NRXN2: variants seen among roughly 807,000 people sequenced by gnomAD.
NRXN2 encodes neurexin-2-beta.
NRXN2 carries 29 observed loss-of-function variants against 128.8 expected under a neutral mutation model. That is an observed-to-expected ratio of 0.23 (90% CI 0.17 to 0.31). NRXN2 has a LOEUF of 0.31. NRXN2 is among the 10% of genes least tolerant of loss of function. The pLI, the probability that NRXN2 is intolerant of heterozygous loss-of-function variation, is 1.00. For synonymous variants in NRXN2, 1,098 were observed against 1,075.2 expected (o/e 1.02, Z -0.41); for missense variants, 1,881 against 2,452.6 (o/e 0.77, Z 4.92).
intron 9 of NRXN2, among the ~76,000 whole-genome samples, chr11:64,661,942 G>A (rs1296992987): frequency 1.3e-5 from 2 of 152,148 alleles, no homozygotes; most frequent in African/African-American, 4.8e-5. Flanking sequence ...TTTTTAGGTA[G>A]AAGAGTTCTT....
intron 1 of NRXN2, among the ~76,000 whole-genome samples, chr11:64,720,161 C>T (rs2057398086): frequency 6.6e-6 from 1 of 152,240 alleles, no homozygotes; most frequent in Non-Finnish European, 1.5e-5. Context: ...ACCCTCACCC[C>T]ACCATGCCAA....
chr11:64,607,568 C>A lies in NRXN2; in HGVS notation c.4767G>T (p.Glu1589Asp). ...GGCGCAGGGGAGGGGGCCTCCGCGGCTCAAAGGACGTGGGGGCCCCGGGCC... is the reference window on the plus strand; with the variant it reads ...GGCGCAGGGGAGGGGGCCTCCGCGGATCAAAGGACGTGGGGGCCCCGGGCC... Reference protein sequence around the residue: ...PLGPGAPTSFEPRRPPPLRPG... With the variant: ...PLGPGAPTSFDPRRPPPLRPG... Residue 1589 changes from glutamate to aspartate, a missense_variant, in exon 23 of 23, where the codon GAG becomes GAT. Glu to Asp is a conservative substitution (Grantham distance 45). Around this residue, in one of 7 missense-constraint regions of NRXN2, gnomAD observed 310 missense variants for 318.2 expected, o/e 0.97. Coordinates refer to ENST00000265459, the MANE Select transcript of NRXN2 (RefSeq NM_015080.4). 6.5e-7 allele frequency: 1 copy of A among 1,536,862 alleles called. No homozygotes were observed. Among genetic ancestry groups the A allele is most frequent in the South Asian group, 1.2e-5 (1 of 84,890 alleles).
rs542381957 is a variant in NRXN2 at position 64,685,369 on chromosome 11, C to T, written c.1152+277G>A. Among the ~76,000 whole-genome samples, 18 of 152,278 alleles carry T rather than the reference C, an allele frequency of 1.2e-4. No homozygotes were observed. The South Asian group carries it at 3.3e-3, about 28-fold the overall frequency. On this transcript the variant is annotated intron_variant, in intron 6 of 22. Coordinates refer to ENST00000265459, the MANE Select transcript of NRXN2 (RefSeq NM_015080.4). The stretch of plus-strand genomic sequence containing the variant: ...GCCCCATCCCTCGAGAGCCCAGCTG[C>T]TCCCAACAATCTGAGCCCAGTCCTT...
intron 3 of NRXN2, among the ~76,000 whole-genome samples, chr11:64,694,303 G>C (rs1428861587): frequency 6.6e-6 from 1 of 152,228 alleles, no homozygotes; most frequent in Non-Finnish European, 1.5e-5. Flanking sequence ...GTGGCAATGA[G>C]ATGTGAACCC....
intron 5 of NRXN2, 111 bp downstream of exon 5, chr11:64,690,294 C>A: frequency 1.0e-6 from 1 of 976,204 alleles, no homozygotes; most frequent in Non-Finnish European, 1.6e-6. Context: ...CCACAGGCCT[C>A]AGAGAGGACA....
rs1247344629 is a variant in NRXN2 at position 64,685,690 on chromosome 11, C to T, written c.1108G>A (p.Asp370Asn). 3 of 1,614,110 alleles carry T rather than the reference C, an allele frequency of 1.9e-6. No homozygotes were observed. The highest frequency in any genetic ancestry group is 1.1e-5 in the South Asian group (1 of 91,086). Residue 370 changes from aspartate (D) to asparagine (N), a missense_variant, in exon 6 of 23, where the codon GAC becomes AAC. By Grantham distance (23) the Asp-to-Asn change is conservative (BLOSUM62 1). Transcript: ENST00000265459. ...LVEPVNGKFN[D>N]NAWHDVRVTR... is the part of the protein sequence containing the mutation. The stretch of plus-strand genomic sequence containing the variant: ...ACCCGGACGTCGTGCCAGGCGTTGT[C>T]GTTGAACTTGCCATTGACGGGTTCC...
chr11:64,620,432 A>G, intron 21 of NRXN2, 60 bp from the exon 22 acceptor site: 28 of 1,351,768 alleles, frequency 2.1e-5, no homozygotes, highest in Non-Finnish European at 2.8e-5. Flanking sequence ...CAGATCCCAC[A>G]GCTGCCACTT....
chr11:64,697,121 C>T (rs2054657615), intron 3 of NRXN2, among the ~76,000 whole-genome samples: 1 of 152,164 alleles, frequency 6.6e-6, no homozygotes, highest in Non-Finnish European at 1.5e-5. Context: ...GCACACACCC[C>T]ACCCTTGCCC....
At chr11:64,611,399 C>G (rs904384920) in intron 22 of NRXN2, among the ~76,000 whole-genome samples, 1 of 152,220 alleles carries the variant, frequency 6.6e-6, no homozygotes, top group African/African-American at 2.4e-5. Context: ...CTGGAAACCC[C>G]AGCGTCAAGG....
intron 22 of NRXN2, among the ~76,000 whole-genome samples, chr11:64,616,244 G>A (rs916310912): frequency 6.6e-6 from 1 of 152,198 alleles, no homozygotes; most frequent in Non-Finnish European, 1.5e-5. Context: ...GTTGGTGCAT[G>A]AGTACACCTC....
At chr11:64,704,907 G>C (rs2056064866) in intron 2 of NRXN2, among the ~76,000 whole-genome samples, 1 of 152,194 alleles carries the variant, frequency 6.6e-6, no homozygotes, top group Admixed American at 6.5e-5. Flanking sequence ...AGGCAGAGAG[G>C]TGTGTAACAC....
At position 64,648,688 on chromosome 11, in the gene NRXN2, C is replaced by T. The variant is rs1162997379; in HGVS notation, c.3283+46G>A. 1.9e-6 allele frequency: 3 copies of T among 1,607,412 alleles called. No homozygotes were observed. Among genetic ancestry groups the T allele is most frequent in the Non-Finnish European group, 1.7e-6 (2 of 1,175,642 alleles). On this transcript the variant is annotated intron_variant, in intron 16 of 22. Coordinates refer to ENST00000265459, the MANE Select transcript of NRXN2 (RefSeq NM_015080.4). The surrounding 1 kb of genome is among the most constrained non-coding windows in gnomAD (Gnocchi z 4.1). The stretch of plus-strand genomic sequence containing the variant: ...CCGGTCTGCCTCTGCAGCTGGCCAT[C>T]CTGTAGCCAGTAGGGCCACACCTCA...
chr11:64,638,468 C>T (rs1186860533), intron 17 of NRXN2, among the ~76,000 whole-genome samples: 1 of 152,170 alleles, frequency 6.6e-6, no homozygotes, highest in Admixed American at 6.5e-5. Flanking sequence ...CCAGGCCCCT[C>T]CCCAGCCGCG....
rs117636333 is a variant in NRXN2 at position 64,665,923 on chromosome 11, A to T, written c.1798+1327T>A. ...AATGCAAAAGACTGAAATGAAGGGT[A>T]AAGAAGAGAGTGGCTAGAAGCAACA... On this transcript the variant is annotated intron_variant, in intron 9 of 22. Transcript: ENST00000265459. Among the ~76,000 whole-genome samples the T allele has an allele frequency of 5.3e-4, 80 of 152,338 alleles. No homozygotes were observed. In the East Asian group the frequency reaches 0.015, roughly 29 times the overall value.
chr11:64,642,423 G>A, intron 17 of NRXN2: 1 of 1,390,750 alleles, frequency 7.2e-7, no homozygotes, highest in South Asian at 1.5e-5. Context: ...CAAAGCAGAG[G>A]GGCCAGGCTC....
rs1327707205 is a variant in NRXN2, at chr11:64,668,739, T to C, written c.1198-135A>G. 3 of 891,336 alleles carry C rather than the reference T, an allele frequency of 3.4e-6. No individual in the cohort carries two copies. In the East Asian group the frequency reaches 7.5e-5, roughly 22 times the overall value. 55.2% of individuals were successfully genotyped at this position (891,336 alleles called of 1,614,324 possible). On this transcript the variant is annotated intron_variant, in intron 7 of 22. Coordinates refer to ENST00000265459, the MANE Select transcript of NRXN2 (RefSeq NM_015080.4). ...CCCCCATTTTTATGTCTGCTTGTCT[T>C]GGAGGAGGAACAGTGGGGGAAGAGA...
intron 4 of NRXN2, among the ~76,000 whole-genome samples, chr11:64,692,491 GA>G (rs1442528099): frequency 6.6e-6 from 1 of 151,516 alleles, no homozygotes; most frequent in African/African-American, 2.4e-5. Flanking sequence ...CCATGAGAAA[GA>G]AAAAAAAGCA....
rs768865082 is a variant in NRXN2, at chr11:64,690,448, C to A, written c.807G>T (p.Gly269=). 56 of 1,613,488 alleles carry A rather than the reference C, an allele frequency of 3.5e-5. No homozygotes were observed. Among genetic ancestry groups the A allele is most frequent in the South Asian group, 2.4e-4 (22 of 90,938 alleles). ...EVGSLLFSEG[G]AGRGGAGDVH... ...CATCGCCGGCTCCTCCTCTCCCGGC[C>A]CCCCCCTCGGAGAACAGTAAGGACC... Residue 269 remains glycine (G), a synonymous_variant, in exon 5 of 23, where the codon GGG becomes GGT. Coordinates refer to ENST00000265459, the MANE Select transcript of NRXN2 (RefSeq NM_015080.4).
rs1432086257 is a variant in NRXN2, at chr11:64,697,691, C to T, written c.748+84G>A. The T allele has an allele frequency of 1.9e-5, 29 of 1,536,626 alleles. No individual in the cohort carries two copies. In the Admixed American group the frequency reaches 4.9e-4, roughly 26 times the overall value. Reference sequence around the variant, plus strand: ...CCCTAAACATGGCAGGAAAGGGAGTCCTTGGGTAGCCAACGACAGTCCCTC... The same window carrying T: ...CCCTAAACATGGCAGGAAAGGGAGTTCTTGGGTAGCCAACGACAGTCCCTC... On this transcript the variant is annotated intron_variant, in intron 3 of 22. Coordinates refer to ENST00000265459, the MANE Select transcript of NRXN2 (RefSeq NM_015080.4).
Sources: gnomAD v4.1 joint callset for allele counts (sites outside exome capture counted in the v4.1 genomes callset) on GRCh38, gnomAD v4.1.1 for gene constraint, gnomAD v4.1.1 regional missense constraint, Gnocchi (gnomAD v3.1) non-coding constraint, MANE v1.5 for transcripts, NCBI Gene and HGNC (gene_info 2026-07-23, HGNC 2026-07-21) for gene names.